The following PTPRD variants were observed in gnomAD, a reference collection of about 807,000 sequenced individuals.
PTPRD encodes the protein receptor-type tyrosine-protein phosphatase delta.
PTPRD carries 34 observed loss-of-function variants against 214.5 expected under a neutral mutation model. The ratio of observed to expected loss-of-function variants is 0.16; its 90% CI spans 0.12 to 0.21. PTPRD has a LOEUF of 0.21. PTPRD is among the 10% of genes least tolerant of loss of function. PTPRD has a pLI of 1.00. For missense variants in PTPRD, 2,545 were observed against 2,398.7 expected (o/e 1.06, Z -1.27); for synonymous variants, 1,128 against 845.7 (o/e 1.33, Z -5.79).
intron 8 of PTPRD, among the ~76,000 whole-genome samples, chr9:9,534,035 A>G (rs1442108074): frequency 1.3e-5 from 2 of 152,086 alleles, no homozygotes. Context: ...ACACACAAAC[A>G]TACTCACACA....
rs535486853 is a variant in PTPRD, at chr9:9,098,323, G to C, written c.-142-79588C>G. ...CCGGGCTGAAGTGCAGTGGTGTGCT[G>C]TTGGCTCACTGCAGCCTCCGTCTAC... On this transcript the variant is annotated intron_variant, in intron 10 of 45. Coordinates refer to ENST00000381196, the MANE Select transcript of PTPRD (RefSeq NM_002839.4). 1.3e-3 allele frequency among the ~76,000 whole-genome samples: 193 copies of C among 152,114 alleles called. No homozygotes were observed. The Middle Eastern group carries it at 0.014, about 11-fold the overall frequency.
intron 6 of PTPRD, among the ~76,000 whole-genome samples, chr9:9,734,871 A>G (rs1409576313): frequency 2.0e-5 from 3 of 152,068 alleles, no homozygotes; most frequent in Admixed American, 6.6e-5. Context: ...TTCTCAAAGA[A>G]GGGAGATTAT....
At chr9:9,367,964 T>C (rs1268422172) in intron 9 of PTPRD, among the ~76,000 whole-genome samples, 2 of 151,746 alleles carry the variant, frequency 1.3e-5, no homozygotes, top group East Asian at 3.9e-4. Flanking sequence ...GAGGAACAAC[T>C]GGGTGACATC....
intron 14 of PTPRD, among the ~76,000 whole-genome samples, chr9:8,603,761 T>A (rs939106911): frequency 6.6e-6 from 1 of 152,220 alleles, no homozygotes; most frequent in Non-Finnish European, 1.5e-5. Flanking sequence ...AAGTATTAAT[T>A]AGAAATATTT....
intron 9 of PTPRD, among the ~76,000 whole-genome samples, chr9:9,362,445 A>T (rs1406263649): frequency 6.6e-6 from 1 of 151,226 alleles, no homozygotes; most frequent in Non-Finnish European, 1.5e-5. Flanking sequence ...GATATCTACA[A>T]TTCAAGGATG....
At chr9:9,467,813 T>C (rs2094319362) in intron 8 of PTPRD, among the ~76,000 whole-genome samples, 2 of 152,076 alleles carry the variant, frequency 1.3e-5, no homozygotes, top group African/African-American at 2.4e-5. Flanking sequence ...TTTACGTGGT[T>C]AATTACACAA....
At chr9:9,420,917 G>T (rs549874676) in intron 8 of PTPRD, among the ~76,000 whole-genome samples, 1 of 151,856 alleles carries the variant, frequency 6.6e-6, no homozygotes, top group Non-Finnish European at 1.5e-5. Flanking sequence ...CTTAACAGTG[G>T]TCTTTTTTCT....
At chr9:10,011,391 G>C (rs1253523025) in intron 4 of PTPRD, among the ~76,000 whole-genome samples, 1 of 151,846 alleles carries the variant, frequency 6.6e-6, no homozygotes, top group Non-Finnish European at 1.5e-5. Context: ...GCATTTCCTA[G>C]CAATTTGGAA....
chr9:9,796,508 T>A (rs936644637), intron 5 of PTPRD, among the ~76,000 whole-genome samples: 7 of 152,110 alleles, frequency 4.6e-5, no homozygotes, highest in Non-Finnish European at 8.8e-5. Flanking sequence ...TGCTGACAGC[T>A]AAAGCTAAGA....
In PTPRD at chr9:9,770,223, CAA is replaced by C. The variant is rs370779130; in HGVS notation, c.-367-3374_-367-3373del. Among the ~76,000 whole-genome samples, 433 of 152,302 alleles carry C rather than the reference CAA, an allele frequency of 2.8e-3. 2 individuals are homozygous for C. The highest frequency in any genetic ancestry group is 9.9e-3 in the African/African-American group (410 of 41,564). Reference sequence around the variant, plus strand: ...TGGTTGAACTAATTTACACTCACACCAAAAGTGTAAAAGCGTTCCTATTTCTC... The same window carrying C: ...TGGTTGAACTAATTTACACTCACACCAAGTGTAAAAGCGTTCCTATTTCTC... On this transcript the variant is annotated intron_variant, in intron 5 of 45. Transcript: ENST00000381196.
intron 7 of PTPRD, among the ~76,000 whole-genome samples, chr9:9,686,057 G>C (rs1157274221): frequency 6.6e-6 from 1 of 151,324 alleles, no homozygotes; most frequent in Non-Finnish European, 1.5e-5. Flanking sequence ...AAAATTTAAG[G>C]CAGAAATATA....
At chr9:10,333,683 C>A (rs1351807992) in intron 3 of PTPRD, among the ~76,000 whole-genome samples, 2 of 151,842 alleles carry the variant, frequency 1.3e-5, no homozygotes, top group Admixed American at 6.6e-5. Context: ...ATGGCATACA[C>A]CAGGATATCT....
At chr9:8,688,330 G>A (rs13294379) in intron 12 of PTPRD, among the ~76,000 whole-genome samples, 1 of 152,136 alleles carries the variant, frequency 6.6e-6, no homozygotes, top group Non-Finnish European at 1.5e-5. Context: ...GCTTTGGGAG[G>A]CCAAGGCGGG....
chr9:9,937,087 A>T (rs1446531054), intron 5 of PTPRD, among the ~76,000 whole-genome samples: 1 of 152,010 alleles, frequency 6.6e-6, no homozygotes, highest in Non-Finnish European at 1.5e-5. Context: ...GGGTTGGGGG[A>T]AGGGGGAGGG....
At chr9:8,454,133 A>G (rs1482036408) in intron 33 of PTPRD, among the ~76,000 whole-genome samples, 3 of 152,180 alleles carry the variant, frequency 2.0e-5, no homozygotes, top group Non-Finnish European at 4.4e-5. Flanking sequence ...AGTTCTCACT[A>G]AGGCACTGTC....
intron 12 of PTPRD, among the ~76,000 whole-genome samples, chr9:8,714,327 G>A (rs538529955): frequency 4.0e-4 from 60 of 151,222 alleles, no homozygotes; most frequent in African/African-American, 1.5e-3. Context: ...GTTTTGTTTT[G>A]TTTTGTTTTA....
chr9:8,326,515 A>T (rs1346078171), intron 44 of PTPRD, among the ~76,000 whole-genome samples: 1 of 151,260 alleles, frequency 6.6e-6, no homozygotes, highest in African/African-American at 2.4e-5. Context: ...CATCAGGGAT[A>T]TTGGCCTGGA....
chr9:10,262,502 G>A (rs1477911632), intron 3 of PTPRD, among the ~76,000 whole-genome samples: 1 of 152,140 alleles, frequency 6.6e-6, no homozygotes, highest in Non-Finnish European at 1.5e-5. Context: ...TGAAATCCAA[G>A]TTCATGTTGT....
At chr9:10,457,935 C>T (rs10959106) in intron 2 of PTPRD, among the ~76,000 whole-genome samples, 12,608 of 151,634 alleles carry the variant, frequency 0.083, 1,093 homozygotes, top group East Asian at 0.5. Flanking sequence ...TAGCTATACA[C>T]CAACAAATTT....
Sources: allele counts gnomAD v4.1 joint callset (sites outside exome capture counted in the v4.1 genomes callset), GRCh38; gene constraint gnomAD v4.1.1; transcripts MANE v1.5; gene names NCBI Gene and HGNC (gene_info 2026-07-23, HGNC 2026-07-21).